The following SMG9 variants were observed in gnomAD, a reference collection of about 807,000 sequenced individuals.
SMG9 encodes SMG9 nonsense mediated mRNA decay factor.
A neutral mutation model predicts 64.0 loss-of-function variants in SMG9; 55 were observed. The observed-to-expected ratio is 0.86, with a 90% CI of 0.69 to 1.08. The LOEUF is 1.08. SMG9 is among the 50% of genes least tolerant of loss of function. SMG9 has a pLI of 0.00. For synonymous variants in SMG9, 244 were observed against 254.8 expected (o/e 0.96, Z 0.41); for missense variants, 554 against 681.3 (o/e 0.81, Z 2.08).
rs1968430701 is a variant in SMG9 at position 43,730,057 on chromosome 19, CTTCAG to C, written c.*1534_*1538del. On this transcript the variant is annotated 3_prime_UTR_variant, in exon 14 of 14. Coordinates refer to ENST00000270066, the MANE Select transcript of SMG9 (RefSeq NM_019108.4). Reference sequence around the variant, plus strand: ...TTCACTGACCCCCCGCCCCCCCTCACTTCAGTTGTTTCTCACAAGGCCCTGGATCC... The same window carrying C: ...TTCACTGACCCCCCGCCCCCCCTCACTTGTTTCTCACAAGGCCCTGGATCC... The C allele has an allele frequency of 1.3e-5, 2 of 152,716 alleles. No individual in the cohort carries two copies. The highest frequency in any genetic ancestry group is 2.9e-5 in the Non-Finnish European group (2 of 68,360). 9.5% of individuals were successfully genotyped at this position (152,716 alleles called of 1,614,324 possible).
At chr19:43,746,447 C>A (rs1014864175) in intron 5 of SMG9, among the ~76,000 whole-genome samples, 1 of 152,106 alleles carries the variant, frequency 6.6e-6, no homozygotes, top group Admixed American at 6.5e-5. Context: ...CTTAATAGCG[C>A]TGAAGGGTAG....
At chr19:43,751,288 C>G (rs1969186086) in intron 1 of SMG9, among the ~76,000 whole-genome samples, 1 of 151,512 alleles carries the variant, frequency 6.6e-6, no homozygotes, top group South Asian at 2.1e-4. Flanking sequence ...TGCCCACCAC[C>G]ACACCCGACT....
intron 8 of SMG9, 132 bp downstream of exon 8, chr19:43,737,990 T>C (rs1164075002): frequency 5.9e-6 from 5 of 852,418 alleles, no homozygotes; most frequent in Non-Finnish European, 9.6e-6. Flanking sequence ...CCTCTTCCTA[T>C]AGCCCTTGGG....
In SMG9 at chr19:43,737,644, A is replaced by G. The variant is rs1568598206; in HGVS notation, c.948T>C (p.His316=). The part of the protein sequence containing the change: ...QIAAFLFTVC[H]VVIVVQDWFT... ...ACCAGTCCTGGACAACAATCACCACATGGCAGACCGTGAAAAGGAAGGCAG... is the reference window on the plus strand; with the variant it reads ...ACCAGTCCTGGACAACAATCACCACGTGGCAGACCGTGAAAAGGAAGGCAG... The change falls in exon 9 of 14, where the codon CAT becomes CAC. Residue 316 remains histidine, a synonymous_variant. Coordinates refer to ENST00000270066, the MANE Select transcript of SMG9 (RefSeq NM_019108.4). 1.2e-6 allele frequency: 2 copies of G among 1,613,948 alleles called. No individual in the cohort carries two copies. The highest frequency in any genetic ancestry group is 1.1e-5 in the South Asian group (1 of 91,070).
At chr19:43,741,244 G>A (rs977733532) in intron 6 of SMG9, among the ~76,000 whole-genome samples, 6 of 152,228 alleles carry the variant, frequency 3.9e-5, no homozygotes, top group Non-Finnish European at 7.3e-5. Context: ...CTGCCCTGGA[G>A]AGGGAAATGA....
At position 43,732,956 on chromosome 19, in the gene SMG9, G is replaced by A. The variant is rs781136069; in HGVS notation, c.1386C>T (p.Gly462=). The change falls in exon 13 of 14, where the codon GGC becomes GGT. Residue 462 remains glycine (G), a synonymous_variant. Transcript: ENST00000270066. ...TCACCAAGGACTGGAAACTGGGGTG[G>A]CCACGATACCCAGGCAGCAGGGAGA... ...PLFSLLPGYR[G]HPSFQSLVSK... 4 of 1,613,856 alleles carry A rather than the reference G, an allele frequency of 2.5e-6. No homozygotes were observed. The highest frequency in any genetic ancestry group is 1.1e-5 in the South Asian group (1 of 91,068).
chr19:43,733,527 C>G, intron 11 of SMG9, 75 bp from the exon 12 acceptor site: 12 of 1,609,392 alleles, frequency 7.5e-6, no homozygotes, highest in Non-Finnish European at 1.0e-5. Context: ...ACAGTCAAAG[C>G]AGGATCAGGA....
Position 43,731,362 on chromosome 19 carries a change from G to A in SMG9, c.*234C>T, listed in dbSNP as rs1180830022. On this transcript the variant is annotated 3_prime_UTR_variant, in exon 14 of 14. Transcript: ENST00000270066. ...TGTCCCTGTGGAGGACACAGGACGG[G>A]CTACCCCATCTCAGGTTTGGGGTGG... is the stretch of plus-strand genomic sequence containing the variant. 5 of 1,352,870 alleles carry A rather than the reference G, an allele frequency of 3.7e-6. No individual in the cohort carries two copies. The highest frequency in any genetic ancestry group is 1.5e-5 in the African/African-American group (1 of 67,098). 83.8% of individuals were successfully genotyped at this position (1,352,870 alleles called of 1,614,324 possible). A position where few individuals can be genotyped will look rare whatever the true frequency, so the allele number is the denominator to read the frequency against.
In SMG9 at chr19:43,738,221, C is replaced by A; in HGVS notation, c.814-4G>T. On this transcript the variant is annotated splice_region_variant and splice_polypyrimidine_tract_variant and intron_variant, in intron 7 of 13. Transcript: ENST00000270066. ...GGATAGAAGGGCTCAGGATGGGCTG[C>A]AGCAAGGAAGAGAACAGAGTGTCAC... is the stretch of plus-strand genomic sequence containing the variant. 1 of 1,613,698 alleles carries A rather than the reference C, an allele frequency of 6.2e-7. No individual in the cohort carries two copies. Among genetic ancestry groups the A allele is most frequent in the Non-Finnish European group, 8.5e-7 (1 of 1,179,658 alleles).
At chr19:43,733,264 GGTCTCTCTCTGATCAGGATAGGACTT>G in intron 12 of SMG9, 34 bp downstream of exon 12, 1 of 1,584,010 alleles carries the variant, frequency 6.3e-7, no homozygotes, top group South Asian at 1.1e-5. Flanking sequence ...GTGGGTGCTG[GGTCTCTCTCTGATCAGGATAGGACTT>G]GTCTCTCCAT....
In SMG9 at chr19:43,730,564, C is replaced by CT. The variant is rs574384507; in HGVS notation, c.*1031dup. The CT allele has an allele frequency of 4.1e-3, 573 of 139,728 alleles. 5 individuals carry two copies. Among genetic ancestry groups the CT allele is most frequent in the South Asian group, 0.017 (73 of 4,366 alleles). 8.7% of individuals were successfully genotyped at this position (139,728 alleles called of 1,614,324 possible). Reference sequence around the variant, plus strand: ...TTCTGTTTCTTAAGTCAAAAGTAGGCTTTTTTTTTTTTTTTGAGACGGAGT... The same window carrying CT: ...TTCTGTTTCTTAAGTCAAAAGTAGGCTTTTTTTTTTTTTTTTGAGACGGAGT... On this transcript the variant is annotated 3_prime_UTR_variant, in exon 14 of 14. Transcript: ENST00000270066.
intron 5 of SMG9, among the ~76,000 whole-genome samples, chr19:43,746,010 A>G (rs1189397905): frequency 2.8e-5 from 4 of 143,776 alleles, no homozygotes; most frequent in Admixed American, 6.9e-5. Flanking sequence ...ACAAAAAAAC[A>G]AAAAAAAAAA....
At position 43,747,767 on chromosome 19, in the gene SMG9, G is replaced by A. The variant is rs780084725; in HGVS notation, c.356C>T (p.Pro119Leu). 1.2e-6 allele frequency: 2 copies of A among 1,608,890 alleles called. No individual in the cohort carries two copies. The highest frequency in any genetic ancestry group is 2.2e-5 in the South Asian group (2 of 90,478). Residue 119 changes from proline (P) to leucine (L), a missense_variant, in exon 4 of 14, where the codon CCT (proline) becomes CTT (leucine). Pro to Leu is a moderately conservative substitution (Grantham distance 98, BLOSUM62 -3). Coordinates refer to ENST00000270066, the MANE Select transcript of SMG9 (RefSeq NM_019108.4). Reference sequence around the variant, plus strand: ...AGGGGGTGGTGGGGCGGTGCCCTCAGGGGTAGAGGCACCTGTCACGGCCAC... The same window carrying A: ...AGGGGGTGGTGGGGCGGTGCCCTCAAGGGTAGAGGCACCTGTCACGGCCAC... ...GPVAVTGASTPEGTAPPPPAA... is the reference protein window; with the variant it reads ...GPVAVTGASTLEGTAPPPPAA...
In SMG9 at chr19:43,732,841, C is replaced by A; in HGVS notation, c.1484+17G>T. ...GTGGGGTGCCTCAAATTGACCCCCT[C>A]TGCAAAGAGCTCTTACCAGTTCTTC... On this transcript the variant is annotated intron_variant, in intron 13 of 13. Coordinates refer to ENST00000270066, the MANE Select transcript of SMG9 (RefSeq NM_019108.4). The A allele has an allele frequency of 6.2e-7, 1 of 1,613,680 alleles. No homozygotes were observed. The highest frequency in any genetic ancestry group is 1.7e-5 in the Admixed American group (1 of 59,996).
At chr19:43,733,503 A>G (rs757440584) in intron 11 of SMG9, 51 bp from the exon 12 acceptor site, 1 of 1,612,026 alleles carries the variant, frequency 6.2e-7, no homozygotes, top group East Asian at 2.2e-5. Context: ...GGGTTTGGGG[A>G]GTGGGAATTG....
In SMG9 at chr19:43,729,099, C is replaced by G; in HGVS notation, c.*2497G>C. 1.1e-6 allele frequency: 1 copy of G among 926,370 alleles called. No individual in the cohort carries two copies. The highest frequency in any genetic ancestry group is 1.2e-4 in the East Asian group (1 of 8,558). 57.4% of individuals were successfully genotyped at this position (926,370 alleles called of 1,614,324 possible). A position where few individuals can be genotyped will look rare whatever the true frequency, so the allele number is the denominator to read the frequency against. ...GACCGGTACATACTTACCCACTGTT[C>G]AGAAGGCTACTGCCAGTTTGACTCC... On this transcript the variant is annotated 3_prime_UTR_variant, in exon 14 of 14. Transcript: ENST00000270066.
Position 43,731,572 on chromosome 19 carries a change from T to A in SMG9, c.*24A>T. ...TACACTGCGGACCCAGGAGGTCCCC[T>A]GCATGACATTCCTCTCCTTGGCCTC... On this transcript the variant is annotated 3_prime_UTR_variant, in exon 14 of 14. Coordinates refer to ENST00000270066, the MANE Select transcript of SMG9 (RefSeq NM_019108.4). 3 of 1,614,146 alleles carry A rather than the reference T, an allele frequency of 1.9e-6. No individual in the cohort carries two copies. The highest frequency in any genetic ancestry group is 2.5e-6 in the Non-Finnish European group (3 of 1,179,984).
Position 43,739,459 on chromosome 19 carries a change from T to A in SMG9, c.813+648A>T, listed in dbSNP as rs1434998175. Among the ~76,000 whole-genome samples, 4 of 152,216 alleles carry A rather than the reference T, an allele frequency of 2.6e-5. No individual in the cohort carries two copies. In the East Asian group the frequency reaches 5.8e-4, roughly 22 times the overall value. On this transcript the variant is annotated intron_variant, in intron 7 of 13. Coordinates refer to ENST00000270066, the MANE Select transcript of SMG9 (RefSeq NM_019108.4). The stretch of plus-strand genomic sequence containing the variant: ...TCAGGTAAAAACGGGATATGCGAAG[T>A]CCAGAGAAGAGAGAGATCAGTGTGT...
In SMG9 at chr19:43,740,095, CG is replaced by C; in HGVS notation, c.813+11del. ...TGTGGCAGGGTGGGGCAAAGGCAGG[CG>C]GGGCTGGCACCTGTGTGTCCAGGAA... On this transcript the variant is annotated intron_variant, in intron 7 of 13. Coordinates refer to ENST00000270066, the MANE Select transcript of SMG9 (RefSeq NM_019108.4). The C allele has an allele frequency of 6.3e-7, 1 of 1,581,446 alleles. No homozygotes were observed. Among genetic ancestry groups the C allele is most frequent in the Non-Finnish European group, 8.7e-7 (1 of 1,150,360 alleles).
Sources: allele counts gnomAD v4.1 joint callset (sites outside exome capture counted in the v4.1 genomes callset), GRCh38; gene constraint gnomAD v4.1.1; transcripts MANE v1.5; gene names NCBI Gene and HGNC (gene_info 2026-07-23, HGNC 2026-07-21).